Variants in SUPT3H observed in about 807,000 individuals in gnomAD.
SUPT3H encodes the protein SPT3 homolog, SAGA and STAGA complex component.
In SUPT3H, 44 loss-of-function variants were observed where a neutral mutation model predicts 44.3. That is an observed-to-expected ratio of 0.99 (90% confidence interval 0.78 to 1.28). The LOEUF (loss-of-function observed/expected upper bound fraction) is 1.28, where lower values mean the gene tolerates loss of function less well. Ranked by LOEUF, SUPT3H falls within the 50% of genes most tolerant of loss-of-function variation. SUPT3H has a pLI of 0.00. For synonymous variants in SUPT3H, 124 were observed against 125.6 expected, an observed-to-expected ratio of 0.99 and a Z score of 0.09; for missense variants, 380 against 387.1, an observed-to-expected ratio of 0.98 and a Z score of 0.15.
At chr6:45,143,416 C>G (rs1044497269) in intron 2 of SUPT3H, among the ~76,000 whole-genome samples, 1 of 152,008 alleles carries the variant, frequency 6.6e-6, no homozygotes, top group Non-Finnish European at 1.5e-5. Context: ...TGAAACAATA[C>G]AAATATATAG....
At chr6:44,978,345 G>T (rs994174642) in intron 6 of SUPT3H, among the ~76,000 whole-genome samples, 2 of 152,160 alleles carry the variant, frequency 1.3e-5, no homozygotes, top group African/African-American at 4.8e-5. Flanking sequence ...TCAGAAACAT[G>T]TAGTAATTTG....
At chr6:45,261,585 G>C (rs919926653) in intron 2 of SUPT3H, among the ~76,000 whole-genome samples, 4 of 151,968 alleles carry the variant, frequency 2.6e-5, no homozygotes, top group African/African-American at 9.7e-5. Flanking sequence ...ACCTCAAATA[G>C]TAAGAATCAT....
chr6:44,839,907 A>G (rs536619117), intron 10 of SUPT3H, among the ~76,000 whole-genome samples: 126 of 152,150 alleles, frequency 8.3e-4, no homozygotes, highest in African/African-American at 2.5e-3. Flanking sequence ...TCACCGTGTT[A>G]GCCAGGATGG....
chr6:45,263,413 A>G (rs1021544113), intron 2 of SUPT3H, among the ~76,000 whole-genome samples: 4 of 152,156 alleles, frequency 2.6e-5, no homozygotes, highest in African/African-American at 9.7e-5. Context: ...TTCTCATCTA[A>G]AAGTGGGAGC....
chr6:45,023,297 G>A (rs1345443197), intron 3 of SUPT3H, among the ~76,000 whole-genome samples: 1 of 151,920 alleles, frequency 6.6e-6, no homozygotes, highest in East Asian at 1.9e-4. Flanking sequence ...TGGCAAGGCT[G>A]TGGAGAAAAG....
intron 2 of SUPT3H, among the ~76,000 whole-genome samples, chr6:45,318,314 T>C (rs1040998232): frequency 2.0e-5 from 3 of 152,144 alleles, no homozygotes; most frequent in African/African-American, 7.2e-5. Context: ...GAAACTATTC[T>C]GGATGACACC....
intron 6 of SUPT3H, among the ~76,000 whole-genome samples, chr6:44,974,301 A>C (rs199642290): frequency 2.4e-5 from 1 of 41,296 alleles, no homozygotes; most frequent in African/African-American, 1.4e-4. Context: ...ATATATGTAT[A>C]ATGTGTGTGT....
rs117850841 is a variant in SUPT3H, at chr6:44,960,172, C to T, written c.580+1581G>A. Among the ~76,000 whole-genome samples, 11 of 151,654 alleles carry T rather than the reference C, an allele frequency of 7.3e-5. No individual in the cohort carries two copies. The East Asian group carries it at 1.5e-3, about 21-fold the overall frequency. On this transcript the variant is annotated intron_variant, in intron 7 of 10. Coordinates refer to ENST00000371459, the MANE Select transcript of SUPT3H (RefSeq NM_003599.4). ...ATTGAGTTAAAAACAAAACATGGGCCGGGCACAGTGGCTCACCTGAGGTCA... is the reference window on the plus strand; with the variant it reads ...ATTGAGTTAAAAACAAAACATGGGCTGGGCACAGTGGCTCACCTGAGGTCA...
At chr6:45,229,816 T>G (rs1767621791) in intron 2 of SUPT3H, among the ~76,000 whole-genome samples, 1 of 152,164 alleles carries the variant, frequency 6.6e-6, no homozygotes, top group Admixed American at 6.5e-5. Flanking sequence ...TCTTGACTAT[T>G]TATTATTTTT....
rs114378357 is a variant in SUPT3H at position 44,867,604 on chromosome 6, C to G, written c.913-37747G>C. Among the ~76,000 whole-genome samples the G allele has an allele frequency of 5.6e-3, 849 of 152,170 alleles. 7 individuals carry two copies. Among genetic ancestry groups the G allele is most frequent in the African/African-American group, 0.02 (816 of 41,510 alleles). ...GTAATAAGCAATTCCATCCCCAATGCGGACTTAGAATCACAGCCTACATGT... is the reference window on the plus strand; with the variant it reads ...GTAATAAGCAATTCCATCCCCAATGGGGACTTAGAATCACAGCCTACATGT... On this transcript the variant is annotated intron_variant, in intron 10 of 10. Coordinates refer to ENST00000371459, the MANE Select transcript of SUPT3H (RefSeq NM_003599.4).
At chr6:45,056,266 G>A (rs987374428) in intron 3 of SUPT3H, among the ~76,000 whole-genome samples, 7 of 152,174 alleles carry the variant, frequency 4.6e-5, no homozygotes, top group African/African-American at 1.7e-4. Flanking sequence ...ATGGAAAACA[G>A]TGTGGAGATT....
intron 3 of SUPT3H, among the ~76,000 whole-genome samples, chr6:45,046,218 T>C (rs1789374374): frequency 6.6e-6 from 1 of 152,242 alleles, no homozygotes. Context: ...CCTGTCAAAC[T>C]GCAGAAATTC....
intron 2 of SUPT3H, chr6:45,322,872 G>C (rs767922967): frequency 2.5e-6 from 4 of 1,610,698 alleles, no homozygotes; most frequent in East Asian, 2.2e-5. Context: ...GAGAGCCTCT[G>C]TCTCACCTGT....
At chr6:44,821,763 A>G (rs183323232), downstream of SUPT3H, among the ~76,000 whole-genome samples, 88 of 152,324 alleles carry the variant, frequency 5.8e-4, no homozygotes, top group Middle Eastern at 0.01. Context: ...GGAAGAAAAA[A>G]GCCCTCAAAT....
At chr6:44,989,096 T>C (rs1343295932) in intron 6 of SUPT3H, among the ~76,000 whole-genome samples, 2 of 152,120 alleles carry the variant, frequency 1.3e-5, no homozygotes, top group African/African-American at 2.4e-5. Flanking sequence ...TGATTTATAA[T>C]AACATGAGAC....
At chr6:45,289,130 A>G (rs1042487243) in intron 2 of SUPT3H, among the ~76,000 whole-genome samples, 1 of 152,146 alleles carries the variant, frequency 6.6e-6, no homozygotes, top group Non-Finnish European at 1.5e-5. Flanking sequence ...CATCTTGCAT[A>G]TCAGCATACT....
At chr6:45,364,088 C>T (rs1405299579) in intron 2 of SUPT3H, among the ~76,000 whole-genome samples, 2 of 149,806 alleles carry the variant, frequency 1.3e-5, no homozygotes, top group Non-Finnish European at 3.0e-5. Context: ...GCACTACAGC[C>T]TGGGCAACAG....
intron 6 of SUPT3H, 42 bp downstream of exon 6, chr6:45,003,611 A>T: frequency 1.2e-6 from 2 of 1,602,220 alleles, no homozygotes; most frequent in South Asian, 2.2e-5. Context: ...AGGCACTGCA[A>T]TGATTGTTCT....
chr6:44,912,313 G>A (rs1414260692), intron 10 of SUPT3H, among the ~76,000 whole-genome samples: 3 of 152,032 alleles, frequency 2.0e-5, no homozygotes, highest in African/African-American at 7.2e-5. Context: ...GATATTTCCA[G>A]TAAGTGGGAT....
Sources: allele counts gnomAD v4.1 joint callset (sites outside exome capture counted in the v4.1 genomes callset), GRCh38; gene constraint gnomAD v4.1.1; transcripts MANE v1.5; gene names NCBI Gene and HGNC (gene_info 2026-07-23, HGNC 2026-07-21).